Variants in COL18A1 observed in about 807,000 individuals in gnomAD.
The protein encoded by COL18A1 is collagen alpha-1(XVIII) chain.
A neutral mutation model predicts 168.0 loss-of-function variants in COL18A1; 133 were observed. The ratio of observed to expected loss-of-function variants is 0.79; its 90% CI spans 0.69 to 0.91. The LOEUF (loss-of-function observed/expected upper bound fraction) is 0.91. Ranked by LOEUF, COL18A1 falls within the 40% of genes least tolerant of loss-of-function variation. COL18A1 has a pLI of 0.00. For synonymous variants in COL18A1, 949 were observed against 809.0 expected (o/e 1.17, Z -2.94); for missense variants, 2,126 against 1,925.4 (o/e 1.10, Z -1.95).
intron 32 of COL18A1, among the ~76,000 whole-genome samples, chr21:45,500,202 G>GTA (rs140242824): frequency 0.5 from 64,979 of 130,504 alleles, 17,132 homozygotes; most frequent in African/African-American, 0.57. Flanking sequence ...TGTGGAGTGT[G>GTA]TGTGGCTGGG....
chr21:45,456,356 G>A (rs758849391), intron 2 of COL18A1: 22 of 1,550,260 alleles, frequency 1.4e-5, no homozygotes, highest in Middle Eastern at 1.7e-4. Flanking sequence ...GGGCAAGCAC[G>A]CGGCCCCCTC....
At chr21:45,437,641 G>GACAA (rs2034196425) in intron 2 of COL18A1, among the ~76,000 whole-genome samples, 3 of 34,016 alleles carry the variant, frequency 8.8e-5, no homozygotes, top group South Asian at 1.0e-3. Flanking sequence ...CACTCACACA[G>GACAA]GCACTCTCCT....
At position 45,468,889 on chromosome 21, in the gene COL18A1, G is replaced by C. The variant is rs1002098031; in HGVS notation, c.651+103G>C. On this transcript the variant is annotated intron_variant, in intron 3 of 41. Coordinates refer to ENST00000651438, the MANE Select transcript of COL18A1 (RefSeq NM_001379500.1). ...ACGGAGCTGTGGCCGGAAGAGGAGA[G>C]CCCCCACCCCAGCTGTGGTCAGCCC... The C allele has an allele frequency of 4.9e-6, 6 of 1,227,926 alleles. No individual in the cohort carries two copies. The African/African-American group carries it at 6.1e-5, about 12-fold the overall frequency. The allele number at this position is 1,227,926 out of a possible 1,614,324, so 76.1% of individuals were successfully genotyped here. A position where few individuals can be genotyped will look rare whatever the true frequency, so the allele number is the denominator to read the frequency against.
At chr21:45,496,026 A>T in intron 29 of COL18A1, 1 of 356,694 alleles carries the variant, frequency 2.8e-6, no homozygotes, top group South Asian at 2.2e-5. Flanking sequence ...ACACACATAC[A>T]ACAGGCCCCT....
rs996878935 is a variant in COL18A1 at position 45,493,841 on chromosome 21, C to G, written c.2352+266C>G. 5.7e-6 allele frequency: 3 copies of G among 524,784 alleles called. No homozygotes were observed. The African/African-American group carries it at 5.8e-5, about 10-fold the overall frequency. 32.5% of individuals were successfully genotyped at this position (524,784 alleles called of 1,614,324 possible). On this transcript the variant is annotated intron_variant, in intron 26 of 41. Coordinates refer to ENST00000651438, the MANE Select transcript of COL18A1 (RefSeq NM_001379500.1). Reference sequence around the variant, plus strand: ...AGGGGAGGTTCTCAGTGGGCTGCAGCTCTGAGCTCGCGCCTCCCTGGGGCC... The same window carrying G: ...AGGGGAGGTTCTCAGTGGGCTGCAGGTCTGAGCTCGCGCCTCCCTGGGGCC...
At chr21:45,428,698 T>A (rs924629703) in intron 2 of COL18A1, among the ~76,000 whole-genome samples, 3 of 152,052 alleles carry the variant, frequency 2.0e-5, no homozygotes, top group South Asian at 2.1e-4. Context: ...TTCATGCAGG[T>A]GGTTCCCGCA....
intron 2 of COL18A1, among the ~76,000 whole-genome samples, chr21:45,422,817 C>G (rs1478730990): frequency 2.0e-4 from 30 of 150,250 alleles, no homozygotes; most frequent in Non-Finnish European, 3.0e-5. Context: ...GATGGAGTTT[C>G]ACTCTTGTTG....
intron 32 of COL18A1, among the ~76,000 whole-genome samples, chr21:45,502,292 C>T (rs977347380): frequency 5.9e-5 from 9 of 152,190 alleles, no homozygotes; most frequent in African/African-American, 2.2e-4. Context: ...ACCCCGGTCA[C>T]GGTTTCAGGG....
At chr21:45,447,977 T>TC (rs1455753784) in intron 2 of COL18A1, among the ~76,000 whole-genome samples, 3 of 152,088 alleles carry the variant, frequency 2.0e-5, no homozygotes, top group African/African-American at 7.2e-5. Context: ...TAACAAGGCT[T>TC]TGAAGGCATG....
At chr21:45,419,036 C>T (rs530699384) in intron 2 of COL18A1, among the ~76,000 whole-genome samples, 25 of 152,342 alleles carry the variant, frequency 1.6e-4, no homozygotes, top group African/African-American at 4.6e-4. Context: ...AGGATGGACG[C>T]GAGGACCAGG....
chr21:45,452,697 GTT>G (rs1018188236), intron 2 of COL18A1, among the ~76,000 whole-genome samples: 14 of 149,310 alleles, frequency 9.4e-5, no homozygotes, highest in South Asian at 8.4e-4. Context: ...ATGTATGTGA[GTT>G]TGTGTATGCA....
chr21:45,455,544 C>CCTGTGGCTGCAGCAGG (rs1243009421), intron 2 of COL18A1: 1 of 1,613,372 alleles, frequency 6.2e-7, no homozygotes, highest in African/African-American at 1.3e-5. Context: ...GCTCCCTACC[C>CCTGTGGCTGCAGCAGG]CTGTGGCTGC....
chr21:45,456,886 C>G, intron 2 of COL18A1: 2 of 1,433,982 alleles, frequency 1.4e-6, no homozygotes, highest in Non-Finnish European at 1.8e-6. Context: ...CTGCAGGTAA[C>G]TGGCCGGCCC....
At position 45,500,305 on chromosome 21, in the gene COL18A1, GGT is replaced by G. The variant is rs372648226; in HGVS notation, c.2683+2649_2683+2650del. ...TGGGGGTGTGTGGAGTGTATATGTGGGTGTGTAGTGGGGGTGTGAGGGGTGTG... is the reference window on the plus strand; with the variant it reads ...TGGGGGTGTGTGGAGTGTATATGTGGGTGTAGTGGGGGTGTGAGGGGTGTG... On this transcript the variant is annotated intron_variant, in intron 32 of 41. Coordinates refer to ENST00000651438, the MANE Select transcript of COL18A1 (RefSeq NM_001379500.1). Among the ~76,000 whole-genome samples the G allele has an allele frequency of 1.2e-4, 7 of 60,106 alleles. No individual in the cohort carries two copies. In the East Asian group the frequency reaches 3.1e-3, roughly 27 times the overall value. The allele number at this position is 60,106 out of a possible 152,430, so 39.4% of individuals were successfully genotyped here. A position where few individuals can be genotyped will look rare whatever the true frequency, so the allele number is the denominator to read the frequency against.
At chr21:45,466,763 G>C (rs545971346) in intron 2 of COL18A1, among the ~76,000 whole-genome samples, 1 of 152,198 alleles carries the variant, frequency 6.6e-6, no homozygotes, top group South Asian at 2.1e-4. Context: ...AGCCCAGGAA[G>C]GTGGCAGCTG....
intron 2 of COL18A1, chr21:45,456,646 G>GT: frequency 6.5e-7 from 1 of 1,536,216 alleles, no homozygotes; most frequent in Non-Finnish European, 8.7e-7. Context: ...GGGCACGGGC[G>GT]TGGGGGGGCC....
At chr21:45,417,527 C>T (rs966986236) in intron 2 of COL18A1, among the ~76,000 whole-genome samples, 8 of 152,316 alleles carry the variant, frequency 5.3e-5, no homozygotes, top group Admixed American at 1.3e-4. Context: ...CGGGTGCCCC[C>T]GCCCTGCCTG....
At chr21:45,416,992 T>C (rs897597871) in intron 2 of COL18A1, among the ~76,000 whole-genome samples, 2 of 152,224 alleles carry the variant, frequency 1.3e-5, no homozygotes, top group African/African-American at 4.8e-5. Context: ...AGCAGCTAAT[T>C]TGATCTTTAC....
In COL18A1 at chr21:45,498,480, G is replaced by A. The variant is rs557888995; in HGVS notation, c.2683+819G>A. ...CTCGCCGCCACGGTCCCCGCTCGCC[G>A]CCAGGGTCCCCTCTCGCTGCCAGGG... On this transcript the variant is annotated intron_variant, in intron 32 of 41. Transcript: ENST00000651438. This position sits in a 1 kb window ranked among gnomAD's most constrained non-coding sequence, Gnocchi z 4.5. The A allele has an allele frequency of 4.6e-4, 327 of 712,764 alleles. 1 individual carries two copies. The Middle Eastern group carries it at 8.9e-3, about 19-fold the overall frequency. 44.2% of individuals were successfully genotyped at this position (712,764 alleles called of 1,614,324 possible). A position where few individuals can be genotyped will look rare whatever the true frequency, so the allele number is the denominator to read the frequency against.
Sources: allele counts gnomAD v4.1 joint callset (sites outside exome capture counted in the v4.1 genomes callset), GRCh38; gene constraint gnomAD v4.1.1; non-coding constraint Gnocchi (gnomAD v3.1); transcripts MANE v1.5; gene names NCBI Gene and HGNC (gene_info 2026-07-23, HGNC 2026-07-21).